Variants in RPH3A observed in about 807,000 individuals in gnomAD.
RPH3A encodes the protein rabphilin-3A.
Under a neutral mutation model 102.2 loss-of-function variants are expected in RPH3A, and 48 were observed. That is an observed-to-expected ratio of 0.47 (90% CI 0.37 to 0.60). The LOEUF (loss-of-function observed/expected upper bound fraction) is 0.60, where lower values mean the gene tolerates loss of function less well. Among genes scored for constraint, RPH3A ranks in the 20% least tolerant of loss-of-function variants. The probability of loss-of-function intolerance (pLI) is 0.00; values close to 1 mark genes in which losing one functional copy is unlikely to be tolerated. For synonymous variants in RPH3A, 310 were observed against 324.3 expected, an observed-to-expected ratio of 0.96 and a Z score of 0.47; for missense variants, 781 against 910.1, an observed-to-expected ratio of 0.86 and a Z score of 1.83.
At chr12:112,672,699 T>C (rs550215240) in intron 1 of RPH3A, among the ~76,000 whole-genome samples, 51 of 152,312 alleles carry the variant, frequency 3.3e-4, no homozygotes, top group African/African-American at 1.2e-3. Context: ...AAGGTGAAAG[T>C]GCCACATAGT....
chr12:112,861,962 G>A (rs1400267932), intron 5 of RPH3A, among the ~76,000 whole-genome samples: 2 of 143,550 alleles, frequency 1.4e-5, no homozygotes, highest in East Asian at 2.1e-4. Flanking sequence ...GCAGTTAGCC[G>A]AGATCGCACC....
chr12:112,674,704 A>T (rs2040160797), intron 1 of RPH3A, among the ~76,000 whole-genome samples: 2 of 152,164 alleles, frequency 1.3e-5, no homozygotes, highest in African/African-American at 2.4e-5. Flanking sequence ...ATCCATCAAG[A>T]TATCAGGATA....
chr12:112,820,459 C>CGGTCGCTGGCTGGGTGGGTA (rs2041757909), intron 2 of RPH3A, among the ~76,000 whole-genome samples: 1 of 152,086 alleles, frequency 6.6e-6, no homozygotes, highest in Non-Finnish European at 1.5e-5. Flanking sequence ...CCAGATCTGC[C>CGGTCGCTGGCTGGGTGGGTA]GGTCGCTGGC....
chr12:112,604,336 C>A (rs570081104), intron 1 of RPH3A, among the ~76,000 whole-genome samples: 3 of 152,258 alleles, frequency 2.0e-5, no homozygotes, highest in South Asian at 2.1e-4. Context: ...AAAGAGGATA[C>A]AGAACAATTT....
At chr12:112,896,293 G>T (rs560874979) in intron 21 of RPH3A, among the ~76,000 whole-genome samples, 1 of 152,328 alleles carries the variant, frequency 6.6e-6, no homozygotes, top group Admixed American at 6.5e-5. Flanking sequence ...GAGCTAAGGG[G>T]TAAAGACAGG....
intron 20 of RPH3A, 52 bp downstream of exon 20, chr12:112,894,711 A>G: frequency 6.6e-7 from 1 of 1,526,054 alleles, no homozygotes; most frequent in Non-Finnish European, 9.0e-7. Flanking sequence ...TGTGTGTTAG[A>G]GAGGCACAAA....
intron 1 of RPH3A, among the ~76,000 whole-genome samples, chr12:112,764,798 C>G (rs112017719): frequency 2.0e-5 from 3 of 152,256 alleles, no homozygotes; most frequent in African/African-American, 7.2e-5. Flanking sequence ...TCTACCCAGA[C>G]AATTATGGCC....
chr12:112,776,879 A>C (rs1279780878), intron 1 of RPH3A, among the ~76,000 whole-genome samples: 4 of 8,058 alleles, frequency 5.0e-4, no homozygotes, highest in Non-Finnish European at 9.8e-4. Flanking sequence ...ATCTCAAAAA[A>C]AAAAAAAAAA....
chr12:112,645,828 G>T (rs1477229108), intron 1 of RPH3A, among the ~76,000 whole-genome samples: 2 of 152,264 alleles, frequency 1.3e-5, no homozygotes, highest in East Asian at 3.9e-4. Flanking sequence ...TTTTGAATGG[G>T]GGCAGAGATG....
At chr12:112,845,958 A>AGGG (rs1196363419) in intron 4 of RPH3A, among the ~76,000 whole-genome samples, 4 of 152,170 alleles carry the variant, frequency 2.6e-5, no homozygotes, top group Non-Finnish European at 5.9e-5. Flanking sequence ...TGTTCCTGGC[A>AGGG]GGGGGAACAG....
intron 1 of RPH3A, among the ~76,000 whole-genome samples, chr12:112,709,549 CAAA>C (rs369557001): frequency 1.6e-5 from 2 of 128,300 alleles, no homozygotes; most frequent in Non-Finnish European, 1.7e-5. Flanking sequence ...AACCCTGTCT[CAAA>C]AAAAAAAAAA....
chr12:112,867,081 C>T (rs375618507), intron 7 of RPH3A, among the ~76,000 whole-genome samples: 6 of 152,048 alleles, frequency 3.9e-5, no homozygotes, highest in African/African-American at 1.5e-4. Context: ...TCTTTGACCC[C>T]ATTTCTCACC....
chr12:112,864,902 G>A (rs2042581793), intron 5 of RPH3A, among the ~76,000 whole-genome samples: 1 of 152,128 alleles, frequency 6.6e-6, no homozygotes, highest in Non-Finnish European at 1.5e-5. Context: ...GGGGGTCAAG[G>A]AAGACCCCCC....
intron 1 of RPH3A, among the ~76,000 whole-genome samples, chr12:112,684,515 G>A (rs2040249354): frequency 6.6e-6 from 1 of 151,908 alleles, no homozygotes; most frequent in Non-Finnish European, 1.5e-5. Flanking sequence ...TGATCCACCT[G>A]TCTCAGCCTC....
intron 1 of RPH3A, among the ~76,000 whole-genome samples, chr12:112,719,813 G>C (rs2040539455): frequency 6.6e-6 from 1 of 152,172 alleles, no homozygotes; most frequent in African/African-American, 2.4e-5. Context: ...TGCCCATCTT[G>C]TCATACTGAT....
intron 12 of RPH3A, 27 bp downstream of exon 12, chr12:112,875,768 G>A (rs2042787835): frequency 6.2e-7 from 1 of 1,609,164 alleles, no homozygotes; most frequent in Non-Finnish European, 8.5e-7. Context: ...TCCCATGCCT[G>A]CCCAAGTGGC....
At chr12:112,696,502 T>G (rs2040353340) in intron 1 of RPH3A, among the ~76,000 whole-genome samples, 1 of 152,228 alleles carries the variant, frequency 6.6e-6, no homozygotes, top group Non-Finnish European at 1.5e-5. Flanking sequence ...AGAATTATGG[T>G]GAAGGTGGGA....
At chr12:112,637,475 G>A (rs947985212) in intron 1 of RPH3A, among the ~76,000 whole-genome samples, 14 of 152,170 alleles carry the variant, frequency 9.2e-5, no homozygotes, top group Non-Finnish European at 1.9e-4. Context: ...GAAGGGAAAT[G>A]TGTTGTATTA....
At chr12:112,659,418 A>C (rs1407916337) in intron 1 of RPH3A, among the ~76,000 whole-genome samples, 2 of 152,044 alleles carry the variant, frequency 1.3e-5, no homozygotes, top group African/African-American at 4.8e-5. Context: ...CTCAGATTTG[A>C]TTTATCTGAT....
Sources: gnomAD v4.1 joint callset for allele counts (sites outside exome capture counted in the v4.1 genomes callset) on GRCh38, gnomAD v4.1.1 for gene constraint, MANE v1.5 for transcripts, NCBI Gene and HGNC (gene_info 2026-07-23, HGNC 2026-07-21) for gene names.